PLCB2: variants seen among roughly 807,000 people sequenced by gnomAD.
PLCB2 encodes 1-phosphatidylinositol 4,5-bisphosphate phosphodiesterase beta-2.
A neutral mutation model predicts 141.7 loss-of-function variants in PLCB2; 115 were observed. The ratio of observed to expected loss-of-function variants is 0.81; its 90% CI spans 0.70 to 0.95. PLCB2 has a LOEUF of 0.95. Among genes scored for constraint, PLCB2 ranks in the 40% least tolerant of loss-of-function variants. The pLI, the probability that PLCB2 is intolerant of heterozygous loss-of-function variation, is 0.00. For missense variants in PLCB2, 1,403 were observed against 1,541.1 expected, an observed-to-expected ratio of 0.91 and a Z score of 1.50; for synonymous variants, 603 against 595.6, an observed-to-expected ratio of 1.01 and a Z score of -0.18.
At position 40,302,595 on chromosome 15, in the gene PLCB2, C is replaced by T. The variant is rs199952116; in HGVS notation, c.246G>A (p.Arg82=). Residue 82 remains arginine, a synonymous_variant, in exon 4 of 32, where the codon CGG becomes CGA. Transcript: ENST00000260402. ...FAKMPKSQKL[R]DVFNMDFPDN... is the part of the protein sequence containing the mutation. ...CAGGAAAGTCCATGTTGAAGACGTC[C>T]CGGAGCTTCTGGCTCTGCAGCACGT... 7.5e-5 allele frequency: 121 copies of T among 1,614,198 alleles called. No individual in the cohort carries two copies. Among genetic ancestry groups the T allele is most frequent in the Non-Finnish European group, 6.6e-5 (78 of 1,180,024 alleles).
In PLCB2 at chr15:40,298,778, G is replaced by T; in HGVS notation, c.850+20C>A. On this transcript the variant is annotated intron_variant, in intron 9 of 31. Coordinates refer to ENST00000260402, the MANE Select transcript of PLCB2 (RefSeq NM_004573.3). Reference sequence around the variant, plus strand: ...GGCAGGACAGGACCACAGGGGACAAGGGGTTCCCTTAGTCCTCACCCCTCT... The same window carrying T: ...GGCAGGACAGGACCACAGGGGACAATGGGTTCCCTTAGTCCTCACCCCTCT... The T allele has an allele frequency of 6.2e-7, 1 of 1,610,936 alleles. No homozygotes were observed. The highest frequency in any genetic ancestry group is 8.5e-7 in the Non-Finnish European group (1 of 1,177,612).
chr15:40,305,307 C>A (rs1245342716), intron 1 of PLCB2, among the ~76,000 whole-genome samples: 1 of 151,942 alleles, frequency 6.6e-6, no homozygotes, highest in Non-Finnish European at 1.5e-5. Flanking sequence ...TTAAGCCTCG[C>A]ATGCATTAGG....
At chr15:40,301,641 A>G (rs2040514211) in intron 7 of PLCB2, 3 of 702,728 alleles carry the variant, frequency 4.3e-6, no homozygotes, top group East Asian at 5.4e-5. Context: ...TCCCATTCCC[A>G]ACACTAGACT....
At chr15:40,296,052 C>A (rs1035069371) in intron 16 of PLCB2, among the ~76,000 whole-genome samples, 2 of 152,174 alleles carry the variant, frequency 1.3e-5, no homozygotes, top group African/African-American at 4.8e-5. Context: ...CTGCAGGCAG[C>A]TGCAGGAGCC....
At chr15:40,304,784 AAATGAATG>A (rs3837700) in intron 1 of PLCB2, among the ~76,000 whole-genome samples, 1 of 152,028 alleles carries the variant, frequency 6.6e-6, no homozygotes, top group African/African-American at 2.4e-5. Context: ...CTGAATGAGC[AAATGAATG>A]AATGAATGAA....
intron 18 of PLCB2, among the ~76,000 whole-genome samples, chr15:40,294,622 G>A (rs2040106317): frequency 6.6e-6 from 1 of 152,242 alleles, no homozygotes; most frequent in African/African-American, 2.4e-5. Flanking sequence ...GCAGCAAGGA[G>A]GAAAGCCACA....
At chr15:40,286,403 C>G (rs938816754), downstream of PLCB2, among the ~76,000 whole-genome samples, 3 of 152,230 alleles carry the variant, frequency 2.0e-5, no homozygotes, top group African/African-American at 7.2e-5. Flanking sequence ...AGCCCCCTCA[C>G]GCTGTCACGT....
At chr15:40,288,963 C>T (rs3743138) in intron 31 of PLCB2, 45 bp from the exon 32 acceptor site, 1 of 1,600,440 alleles carries the variant, frequency 6.2e-7, no homozygotes. Flanking sequence ...GAGGGGCCTG[C>T]TGGCCACCCT....
intron 13 of PLCB2, 43 bp from the exon 14 acceptor site, chr15:40,296,951 T>A: frequency 6.2e-7 from 1 of 1,603,908 alleles, no homozygotes. Context: ...CTCACCTTCA[T>A]GGCATAGCCT....
In PLCB2 at chr15:40,291,388, C is replaced by T; in HGVS notation, c.2747G>A (p.Gly916Glu). ...CAGCAGCTCCTCCCAGCGCCGCGCTCCGCGCCGCTCCAACTCTCGCAGCTC... is the reference window on the plus strand; with the variant it reads ...CAGCAGCTCCTCCCAGCGCCGCGCTTCGCGCCGCTCCAACTCTCGCAGCTC... ...EKELRELERR[G>E]ARRWEELLQR... Residue 916 changes from glycine (G) to glutamate (E), a missense_variant, in exon 26 of 32, where the codon GGA becomes GAA. Around this residue, in one of 4 missense-constraint regions of PLCB2, gnomAD observed 290 missense variants for 245.9 expected, o/e 1.18. Coordinates refer to ENST00000260402, the MANE Select transcript of PLCB2 (RefSeq NM_004573.3). 2.6e-6 allele frequency: 4 copies of T among 1,533,950 alleles called. No homozygotes were observed. Among genetic ancestry groups the T allele is most frequent in the Non-Finnish European group, 3.5e-6 (4 of 1,145,596 alleles).
chr15:40,289,309 G>T lies in PLCB2; in HGVS notation c.3317C>A (p.Ala1106Glu), dbSNP rs543995403. The T allele has an allele frequency of 2.4e-5, 38 of 1,613,830 alleles. No individual in the cohort carries two copies. Among genetic ancestry groups the T allele is most frequent in the Non-Finnish European group, 3.1e-5 (37 of 1,179,894 alleles). ...CTCCCGTATCTGTTCCAGGCAAGCC[G>T]CCTGCTTCTCCTCCAGCTTCTCCTG... ...RHQEKLEEKQ[A>E]ACLEQIREME... The change falls in exon 31 of 32, where the codon GCG becomes GAG. Residue 1106 changes from alanine to glutamate, a missense_variant. Ala to Glu is a moderately radical substitution (Grantham distance 107). Around this residue, in one of 4 missense-constraint regions of PLCB2, gnomAD observed 132 missense variants for 132.4 expected, o/e 1.00. Transcript: ENST00000260402.
chr15:40,290,781 G>C lies in PLCB2; in HGVS notation c.3093C>G (p.Ala1031=). The C allele has an allele frequency of 6.2e-7, 1 of 1,613,764 alleles. No homozygotes were observed. Among genetic ancestry groups the C allele is most frequent in the Non-Finnish European group, 8.5e-7 (1 of 1,179,908 alleles). Residue 1031 remains alanine, a synonymous_variant, in exon 28 of 32, where the codon GCC becomes GCG. Coordinates refer to ENST00000260402, the MANE Select transcript of PLCB2 (RefSeq NM_004573.3). Reference sequence around the variant, plus strand: ...CGTACTTCTCCGACGTCTCCTTCAGGGCCTTCAGCTCTGCCGCCTGTTTCT... The same window carrying C: ...CGTACTTCTCCGACGTCTCCTTCAGCGCCTTCAGCTCTGCCGCCTGTTTCT... ...AREKQAAELK[A]LKETSENDTK...
chr15:40,303,002 C>T (rs1194230455), intron 3 of PLCB2, among the ~76,000 whole-genome samples: 1 of 152,178 alleles, frequency 6.6e-6, no homozygotes, highest in Non-Finnish European at 1.5e-5. Flanking sequence ...GGGTGTAAGC[C>T]ACCCCTCCCA....
intron 15 of PLCB2, 27 bp downstream of exon 15, chr15:40,296,495 G>C (rs375020016): frequency 2.6e-5 from 42 of 1,613,726 alleles, no homozygotes; most frequent in Non-Finnish European, 3.3e-5. Context: ...GGATGACACA[G>C]AGGGGCCTGG....
intron 1 of PLCB2, among the ~76,000 whole-genome samples, chr15:40,305,988 C>T (rs1379266603): frequency 2.0e-5 from 3 of 152,156 alleles, no homozygotes; most frequent in Non-Finnish European, 2.9e-5. Flanking sequence ...TTTCTGACAT[C>T]GGACTGGATT....
intron 1 of PLCB2, among the ~76,000 whole-genome samples, chr15:40,305,246 T>C (rs1438620418): frequency 6.6e-6 from 1 of 151,542 alleles, no homozygotes; most frequent in Admixed American, 6.6e-5. Flanking sequence ...TGTTACATAG[T>C]ATACATGTGC....
chr15:40,294,208 T>G, intron 19 of PLCB2, 58 bp downstream of exon 19: 1 of 1,558,504 alleles, frequency 6.4e-7, no homozygotes, highest in South Asian at 1.1e-5. Flanking sequence ...GGTGGGCTCC[T>G]GTGCCCTTCT....
chr15:40,298,901 C>T lies in PLCB2; in HGVS notation c.747G>A (p.Gln249=). The T allele has an allele frequency of 3.1e-6, 5 of 1,610,776 alleles. No homozygotes were observed. The highest frequency in any genetic ancestry group is 4.2e-6 in the Non-Finnish European group (5 of 1,179,972). ...GCAGGGAGTTAAGCCGGGAGTCCCG[C>T]TGTTTCTGGTTGATGAATTTGGTCA... ...EHLTKFINQK[Q]RDSRLNSLLF... is the part of the protein sequence containing the mutation. Residue 249 remains glutamine, a synonymous_variant, in exon 9 of 32, where the codon CAG becomes CAA. Transcript: ENST00000260402.
chr15:40,287,960 C>T lies in PLCB2; in HGVS notation c.*755G>A. On this transcript the variant is annotated 3_prime_UTR_variant, in exon 32 of 32. Transcript: ENST00000260402. The stretch of plus-strand genomic sequence containing the variant: ...GTAGGAAAGAGAAAAATAAATAAAC[C>T]TCATAAATTCAGGAGAGCAAATGAT... 5 of 984,308 alleles carry T rather than the reference C, an allele frequency of 5.1e-6. No individual in the cohort carries two copies. The South Asian group carries it at 1.4e-4, about 28-fold the overall frequency. 61.0% of individuals were successfully genotyped at this position (984,308 alleles called of 1,614,324 possible).
Sources: gnomAD v4.1 joint callset for allele counts (sites outside exome capture counted in the v4.1 genomes callset) on GRCh38, gnomAD v4.1.1 for gene constraint, gnomAD v4.1.1 regional missense constraint, MANE v1.5 for transcripts, NCBI Gene and HGNC (gene_info 2026-07-23, HGNC 2026-07-21) for gene names.